The following MGAT4C variants were observed in gnomAD, a reference collection of about 807,000 sequenced individuals.
MGAT4C encodes the protein MGAT4 family member C.
MGAT4C carries 19 observed loss-of-function variants against 40.1 expected under a neutral mutation model. That is an observed-to-expected ratio of 0.47 (90% CI 0.33 to 0.70). MGAT4C has a LOEUF of 0.70. Ranked by LOEUF, MGAT4C falls within the 30% of genes least tolerant of loss-of-function variation. The pLI is 0.02. For missense variants in MGAT4C, 491 were observed against 563.2 expected (o/e 0.87, Z 1.30); for synonymous variants, 181 against 187.1 (o/e 0.97, Z 0.27).
chr12:86,701,385 G>A (rs1006235401), intron 2 of MGAT4C, among the ~76,000 whole-genome samples: 2 of 151,924 alleles, frequency 1.3e-5, no homozygotes, highest in Non-Finnish European at 2.9e-5. Flanking sequence ...TATTATATCT[G>A]TTATGGTGAT....
At chr12:86,472,613 T>C (rs143644216) in intron 2 of MGAT4C, among the ~76,000 whole-genome samples, 2,930 of 152,274 alleles carry the variant, frequency 0.019, 41 homozygotes, top group Middle Eastern at 0.037. Context: ...TTTTTTTTCT[T>C]CTAGCTTAAA....
chr12:86,708,378 G>T (rs1565940042), intron 2 of MGAT4C, among the ~76,000 whole-genome samples: 1 of 152,240 alleles, frequency 6.6e-6, no homozygotes, highest in South Asian at 2.1e-4. Context: ...ATGCCTGGGG[G>T]TCCAGACAGA....
chr12:86,410,782 G>GT, intron 3 of MGAT4C, among the ~76,000 whole-genome samples: 1 of 152,222 alleles, frequency 6.6e-6, no homozygotes, highest in Non-Finnish European at 1.5e-5. Context: ...AAAGACAGGC[G>GT]TAAGAAATTA....
chr12:86,183,724 A>G (rs1019799550), intron 1 of MGAT4C, among the ~76,000 whole-genome samples: 2 of 152,176 alleles, frequency 1.3e-5, no homozygotes, highest in African/African-American at 4.8e-5. Context: ...TCTGACTTAC[A>G]TACTGGCTTG....
intron 3 of MGAT4C, among the ~76,000 whole-genome samples, chr12:86,426,637 T>C (rs1331053372): frequency 6.6e-6 from 1 of 152,032 alleles, no homozygotes; most frequent in Non-Finnish European, 1.5e-5. Flanking sequence ...TATAAAGACA[T>C]GACTACAAGT....
chr12:86,182,929 A>G (rs183071229), intron 1 of MGAT4C, among the ~76,000 whole-genome samples: 13 of 152,268 alleles, frequency 8.5e-5, no homozygotes, highest in Non-Finnish European at 1.5e-4. Flanking sequence ...ACCCAGCACT[A>G]TATATCTATA....
intron 1 of MGAT4C, among the ~76,000 whole-genome samples, chr12:86,249,738 C>T (rs1952187033): frequency 6.6e-6 from 1 of 152,144 alleles, no homozygotes; most frequent in South Asian, 2.1e-4. Context: ...GCTTTCTCTT[C>T]TCATTTTGAC....
intron 1 of MGAT4C, among the ~76,000 whole-genome samples, chr12:86,129,029 T>C (rs1880763964): frequency 6.6e-6 from 1 of 152,176 alleles, no homozygotes; most frequent in Non-Finnish European, 1.5e-5. Context: ...CATTGGTCTA[T>C]GTGCCTACAT....
chr12:86,808,978 T>A (rs1952418763), intron 1 of MGAT4C, among the ~76,000 whole-genome samples: 1 of 151,980 alleles, frequency 6.6e-6, no homozygotes, highest in African/African-American at 2.4e-5. Flanking sequence ...AGCATTCCAA[T>A]ACACCAACAA....
At chr12:86,343,738 C>G (rs1309815618) in intron 3 of MGAT4C, among the ~76,000 whole-genome samples, 1 of 152,228 alleles carries the variant, frequency 6.6e-6, no homozygotes, top group Non-Finnish European at 1.5e-5. Context: ...ACATCAACAT[C>G]TTATCTATCG....
intron 2 of MGAT4C, among the ~76,000 whole-genome samples, chr12:86,035,914 C>G (rs777655367): frequency 6.7e-6 from 1 of 149,876 alleles, no homozygotes; most frequent in Admixed American, 6.7e-5. Context: ...TCTAAGGCCT[C>G]TGTTCTCTTC....
At chr12:86,021,030 A>G (rs1301831731) in intron 2 of MGAT4C, among the ~76,000 whole-genome samples, 2 of 152,204 alleles carry the variant, frequency 1.3e-5, no homozygotes, top group African/African-American at 4.8e-5. Context: ...AATCAAAACC[A>G]CAATGAGATA....
At chr12:86,115,770 T>C (rs1878311636) in intron 1 of MGAT4C, among the ~76,000 whole-genome samples, 1 of 152,080 alleles carries the variant, frequency 6.6e-6, no homozygotes, top group Non-Finnish European at 1.5e-5. Context: ...AAGTAAGTGA[T>C]ATGGTAGGAA....
chr12:86,716,145 A>C (rs1950642109), intron 2 of MGAT4C, among the ~76,000 whole-genome samples: 1 of 152,250 alleles, frequency 6.6e-6, no homozygotes, highest in Middle Eastern at 3.4e-3. Flanking sequence ...TAAACTGCCC[A>C]CTAATTGCCA....
Position 86,161,392 on chromosome 12 carries a change from A to G in MGAT4C, c.-57+94847T>C, listed in dbSNP as rs571958871. 2.2e-4 allele frequency among the ~76,000 whole-genome samples: 33 copies of G among 152,276 alleles called. No individual in the cohort carries two copies. In the South Asian group the frequency reaches 6.8e-3, roughly 32 times the overall value. On this transcript the variant is annotated intron_variant, in intron 1 of 4. Transcript: ENST00000611864. ...ACCATTCTTTGACAAGGCTGACAAA[A>G]AAAGGCAATAAGAAAAGGAATCTCT...
At chr12:86,745,319 G>C (rs79441418) in intron 1 of MGAT4C, among the ~76,000 whole-genome samples, 2 of 151,574 alleles carry the variant, frequency 1.3e-5, no homozygotes, top group Non-Finnish European at 3.0e-5. Context: ...GAAGGAGTTC[G>C]CATCTGGAGA....
intron 3 of MGAT4C, among the ~76,000 whole-genome samples, chr12:86,344,669 A>G (rs1318982485): frequency 6.8e-6 from 1 of 146,206 alleles, no homozygotes; most frequent in Non-Finnish European, 1.5e-5. Context: ...GAAAAATGTC[A>G]TTTTCTTTAA....
At chr12:86,452,679 AT>A (rs1957445856) in intron 2 of MGAT4C, among the ~76,000 whole-genome samples, 1 of 152,092 alleles carries the variant, frequency 6.6e-6, no homozygotes, top group African/African-American at 2.4e-5. Context: ...AAGTAATAGC[AT>A]AGTCACTCAG....
intron 2 of MGAT4C, among the ~76,000 whole-genome samples, chr12:86,011,144 A>G (rs886710565): frequency 3.3e-5 from 5 of 152,190 alleles, no homozygotes; most frequent in Non-Finnish European, 5.9e-5. Context: ...AACTTTCTAA[A>G]TCAGAAACAC....
Sources: gnomAD v4.1 joint callset for allele counts (sites outside exome capture counted in the v4.1 genomes callset) on GRCh38, gnomAD v4.1.1 for gene constraint, MANE v1.5 for transcripts, NCBI Gene and HGNC (gene_info 2026-07-23, HGNC 2026-07-21) for gene names.